The following ARMC12 variants were observed in gnomAD, a reference collection of about 807,000 sequenced individuals.
ARMC12 encodes the protein armadillo repeat containing 12.
Under a neutral mutation model 37.4 loss-of-function variants are expected in ARMC12, and 25 were observed. That is an observed-to-expected ratio of 0.67 (90% CI 0.49 to 0.93). The LOEUF is 0.93. ARMC12 is among the 40% of genes least tolerant of loss of function. ARMC12 has a pLI of 0.00. For missense variants in ARMC12, 384 were observed against 426.6 expected, an observed-to-expected ratio of 0.90 and a Z score of 0.88; for synonymous variants, 167 against 176.1, an observed-to-expected ratio of 0.95 and a Z score of 0.41.
Position 35,737,082 on chromosome 6 carries a change from A to G in ARMC12, c.-27A>G. 1.2e-6 allele frequency: 2 copies of G among 1,612,490 alleles called. No homozygotes were observed. ...CACAGGTGCCTTGGGCCTAGCTCTC[A>G]CCTGGGCCCAGGGCAACACTGAAGA... On this transcript the variant is annotated 5_prime_UTR_variant, in exon 1 of 6. Coordinates refer to ENST00000373866, the MANE Select transcript of ARMC12 (RefSeq NM_001286574.2).
chr6:35,746,080 C>T (rs1016586049), intron 3 of ARMC12, among the ~76,000 whole-genome samples: 64 of 119,172 alleles, frequency 5.4e-4, no homozygotes, highest in Admixed American at 1.9e-3. Context: ...AATTAAAAAA[C>T]AAAATTAAAG....
rs149573655 is a variant in ARMC12 at position 35,748,840 on chromosome 6, C to T, written c.993C>T (p.Pro331=). 146 of 1,612,672 alleles carry T rather than the reference C, an allele frequency of 9.1e-5. 3 individuals are homozygous for T. In the Admixed American group the frequency reaches 1.8e-3, roughly 19 times the overall value. ...DLRARPSSCQ[P]SRSYFKNTE ...GAGCCCGGCCCTCCTCCTGCCAGCC[C>T]AGTCGTTCCTACTTTAAAAACACGG... The change falls in exon 6 of 6, where the codon CCC becomes CCT. Residue 331 remains proline (P), a synonymous_variant. Transcript: ENST00000373866.
chr6:35,737,001 C>T, upstream of ARMC12: 3 of 1,516,828 alleles, frequency 2.0e-6, no homozygotes, highest in Non-Finnish European at 2.7e-6. Context: ...GCCTAGGTTC[C>T]AATTCTGGTA....
In ARMC12 at chr6:35,738,384, G is replaced by A. The variant is rs766878769; in HGVS notation, c.310G>A (p.Ala104Thr). 33 of 1,613,206 alleles carry A rather than the reference G, an allele frequency of 2.0e-5. No individual in the cohort carries two copies. The highest frequency in any genetic ancestry group is 2.8e-5 in the Non-Finnish European group (33 of 1,179,894). Reference sequence around the variant, plus strand: ...CTTCCATCTCTCCCCAATACTCCAGGCCTCTGCTTGTACTACGGATGACAT... The same window carrying A: ...CTTCCATCTCTCCCCAATACTCCAGACCTCTGCTTGTACTACGGATGACAT... ...TRCVYLLEAEASACTTDDIVL... is the reference protein window; with the variant it reads ...TRCVYLLEAETSACTTDDIVL... The change falls in exon 3 of 6, where the codon GCC becomes ACC. Residue 104 changes from alanine (A) to threonine (T), a missense_variant and splice_region_variant. Transcript: ENST00000373866.
At chr6:35,745,086 A>G (rs113279282) in intron 3 of ARMC12, among the ~76,000 whole-genome samples, 89 of 152,346 alleles carry the variant, frequency 5.8e-4, no homozygotes, top group African/African-American at 1.7e-3. Context: ...AGAACTAAAC[A>G]TACATTTACC....
At position 35,747,810 on chromosome 6, in the gene ARMC12, G is replaced by A. The variant is rs973409127; in HGVS notation, c.690+163G>A. ...AATCATGCCTCTTCTGTTCCCCCCA[G>A]TAGAAGGAGACTCCATTTTATTGGG... is the stretch of plus-strand genomic sequence containing the variant. On this transcript the variant is annotated intron_variant, in intron 5 of 5. Coordinates refer to ENST00000373866, the MANE Select transcript of ARMC12 (RefSeq NM_001286574.2). Among the ~76,000 whole-genome samples the A allele has an allele frequency of 3.9e-5, 6 of 152,158 alleles. No individual in the cohort carries two copies. The South Asian group carries it at 1.2e-3, about 32-fold the overall frequency.
chr6:35,737,401 C>A (rs1453622256), intron 1 of ARMC12, 130 bp downstream of exon 1: 1 of 1,608,546 alleles, frequency 6.2e-7, no homozygotes, highest in African/African-American at 1.3e-5. Context: ...TGTCCATCTT[C>A]CTCAAGCCCA....
chr6:35,743,952 AAAAAAAG>A (rs1767255540), intron 3 of ARMC12, among the ~76,000 whole-genome samples: 2 of 152,006 alleles, frequency 1.3e-5, no homozygotes, highest in East Asian at 1.9e-4. Flanking sequence ...TCTCAAAAAA[AAAAAAAG>A]AAAAAAGAAA....
chr6:35,734,746 G>C (rs1581915922), upstream of ARMC12, among the ~76,000 whole-genome samples: 1 of 151,838 alleles, frequency 6.6e-6, no homozygotes, highest in East Asian at 1.9e-4. Context: ...AGATTGCAGT[G>C]AGCCAACATC....
At chr6:35,742,367 G>A (rs1767197402) in intron 3 of ARMC12, among the ~76,000 whole-genome samples, 1 of 151,418 alleles carries the variant, frequency 6.6e-6, no homozygotes, top group Admixed American at 6.6e-5. Flanking sequence ...GTGGTGGCGG[G>A]CACCTGTAAT....
At position 35,747,444 on chromosome 6, in the gene ARMC12, G is replaced by A. The variant is rs765300051; in HGVS notation, c.618+10G>A. 2.8e-5 allele frequency: 46 copies of A among 1,614,118 alleles called. No individual in the cohort carries two copies. The highest frequency in any genetic ancestry group is 3.2e-5 in the Non-Finnish European group (38 of 1,180,018). ...CTACATCCTGGCACAGGTGCCTGAG[G>A]ACCATGGCCAAGGCCCTGCCTTGCT... On this transcript the variant is annotated intron_variant, in intron 4 of 5. Transcript: ENST00000373866.
intron 3 of ARMC12, among the ~76,000 whole-genome samples, chr6:35,744,076 T>C (rs1389658641): frequency 1.3e-5 from 2 of 152,172 alleles, no homozygotes; most frequent in Admixed American, 1.3e-4. Flanking sequence ...TTAAAAACAT[T>C]TGCTCCATGA....
intron 3 of ARMC12, among the ~76,000 whole-genome samples, chr6:35,739,761 G>A (rs1767109306): frequency 6.6e-6 from 1 of 152,198 alleles, no homozygotes; most frequent in African/African-American, 2.4e-5. Flanking sequence ...CCTGCCACAA[G>A]CTCACTTCAG....
intron 2 of ARMC12, 90 bp from the exon 3 acceptor site, chr6:35,738,294 G>GGGC (rs1767053515): frequency 3.5e-6 from 5 of 1,429,804 alleles, no homozygotes; most frequent in Admixed American, 1.9e-5. Context: ...GGTGGGGGGG[G>GGGC]GGTGTGCGGA....
At chr6:35,735,011 A>G (rs1420186821), upstream of ARMC12, 1 of 152,152 alleles carries the variant, frequency 6.6e-6, no homozygotes, top group Non-Finnish European at 1.5e-5. This position sits in a 1 kb window ranked among gnomAD's most constrained non-coding sequence, Gnocchi z 4.0. Context: ...TAGGTGTGGC[A>G]GGAGGGAGTT....
chr6:35,731,946 C>T, the ARMC12 span, among the ~76,000 whole-genome samples: 3 of 152,098 alleles, frequency 2.0e-5, no homozygotes, highest in Admixed American at 6.5e-5. Context: ...GTGCCGGCGC[C>T]GGGCGCGGCG....
chr6:35,747,381 C>T lies in ARMC12; in HGVS notation c.565C>T (p.Arg189Trp), dbSNP rs149701105. The change falls in exon 4 of 6, where the codon CGG becomes TGG. Residue 189 changes from arginine to tryptophan, a missense_variant. Physicochemically the swap from Arg to Trp is moderately radical, Grantham distance 101. Transcript: ENST00000373866. ...LPDYVHPQLRRVMPALMEILQ... is the reference protein window; with the variant it reads ...LPDYVHPQLRWVMPALMEILQ... The stretch of plus-strand genomic sequence containing the variant: ...CGACTATGTGCATCCACAGCTGCGA[C>T]GGGTGATGCCTGCCTTGATGGAGAT... The T allele has an allele frequency of 3.5e-5, 57 of 1,614,092 alleles. No individual in the cohort carries two copies. Among genetic ancestry groups the T allele is most frequent in the African/African-American group, 6.7e-5 (5 of 74,934 alleles).
chr6:35,737,248 G>A lies in ARMC12; in HGVS notation c.140G>A (p.Ser47Asn). The change falls in exon 1 of 6, where the codon AGC becomes AAC. Residue 47 changes from serine to asparagine, a missense_variant. By Grantham distance (46) the Ser-to-Asn change is conservative. Transcript: ENST00000373866. ...AGIKCKPPLC[S>N]NSPICIARLA... The stretch of plus-strand genomic sequence containing the variant: ...ATAAAATGCAAACCACCCCTCTGTA[G>A]CAACTCACCCATCTGCATCGCCCGT... The A allele has an allele frequency of 6.2e-7, 1 of 1,614,244 alleles. No homozygotes were observed. Among genetic ancestry groups the A allele is most frequent in the Non-Finnish European group, 8.5e-7 (1 of 1,180,042 alleles).
intron 2 of ARMC12, 40 bp downstream of exon 2, chr6:35,738,212 C>T (rs1285958899): frequency 6.6e-7 from 1 of 1,505,470 alleles, no homozygotes; most frequent in Non-Finnish European, 9.0e-7. Context: ...GGCCTGGCCC[C>T]TGGGGGTTAC....
Sources: allele counts gnomAD v4.1 joint callset (sites outside exome capture counted in the v4.1 genomes callset), GRCh38; gene constraint gnomAD v4.1.1; non-coding constraint Gnocchi (gnomAD v3.1); transcripts MANE v1.5; gene names NCBI Gene and HGNC (gene_info 2026-07-23, HGNC 2026-07-21).